PUS7: variants seen among roughly 807,000 people sequenced by gnomAD.
PUS7 encodes pseudouridylate synthase 7 homolog.
A neutral mutation model predicts 79.8 loss-of-function variants in PUS7; 48 were observed. The ratio of observed to expected loss-of-function variants is 0.60; its 90% CI spans 0.48 to 0.76. PUS7 has a LOEUF of 0.76. Among genes scored for constraint, PUS7 ranks in the 30% least tolerant of loss-of-function variants. The pLI is 0.00. For missense variants in PUS7, 729 were observed against 797.6 expected, an observed-to-expected ratio of 0.91 and a Z score of 1.04; for synonymous variants, 286 against 272.2, an observed-to-expected ratio of 1.05 and a Z score of -0.50.
chr7:105,459,638 A>G (rs1197645164), intron 14 of PUS7, among the ~76,000 whole-genome samples: 1 of 151,476 alleles, frequency 6.6e-6, no homozygotes, highest in Non-Finnish European at 1.5e-5. Context: ...GGGTTTCACT[A>G]TGTTGGCCAG....
chr7:105,489,634 G>A (rs542035925), intron 7 of PUS7, among the ~76,000 whole-genome samples: 16 of 152,054 alleles, frequency 1.1e-4, no homozygotes, highest in South Asian at 2.1e-4. Context: ...CTGCTTTTAT[G>A]ACATCATGCC....
rs1333362782 is a variant in PUS7, at chr7:105,492,499, TA to T, written c.843-883del. ...ACCACCACATCTGGCTGATTTTTTG[TA>T]TTTTTTTTTTTTTTTTTTTTTTTGA... On this transcript the variant is annotated intron_variant, in intron 6 of 15. Coordinates refer to ENST00000469408, the MANE Select transcript of PUS7 (RefSeq NM_019042.5). 3.1e-4 allele frequency among the ~76,000 whole-genome samples: 40 copies of T among 130,604 alleles called. 1 individual carries two copies. The South Asian group carries it at 4.8e-3, about 16-fold the overall frequency. 85.7% of individuals were successfully genotyped at this position (130,604 alleles called of 152,430 possible). A position where few individuals can be genotyped will look rare whatever the true frequency, so the allele number is the denominator to read the frequency against.
intron 1 of PUS7, among the ~76,000 whole-genome samples, chr7:105,515,442 C>T (rs928251083): frequency 6.6e-6 from 1 of 152,116 alleles, no homozygotes; most frequent in Non-Finnish European, 1.5e-5. Flanking sequence ...TAGATTCTGA[C>T]GTTTTTGATT....
intron 9 of PUS7, among the ~76,000 whole-genome samples, chr7:105,472,726 C>T (rs1409516095): frequency 6.6e-6 from 1 of 151,992 alleles, no homozygotes; most frequent in Non-Finnish European, 1.5e-5. Context: ...CATAGTCATG[C>T]TTTAAGTAGT....
intron 13 of PUS7, 106 bp downstream of exon 13, chr7:105,465,207 C>T (rs1255057762): frequency 3.2e-6 from 2 of 630,844 alleles, no homozygotes; most frequent in Non-Finnish European, 5.3e-6. Context: ...TGAATGCATC[C>T]CTTTCTGGGA....
At position 105,470,803 on chromosome 7, in the gene PUS7, G is replaced by T. The variant is rs1156921755; in HGVS notation, c.1283C>A (p.Thr428Asn). 6.2e-7 allele frequency: 1 copy of T among 1,610,086 alleles called. No homozygotes were observed. Residue 428 changes from threonine to asparagine, a missense_variant, in exon 11 of 16, where the codon ACC becomes AAC. Transcript: ENST00000469408. ...LVKCREEWAK[T>N]KDPTAALRKL... Reference sequence around the variant, plus strand: ...TCTGAGGGCAGCAGTTGGGTCTTTGGTCTTTGCCCATTCTTCTCTGCATTT... The same window carrying T: ...TCTGAGGGCAGCAGTTGGGTCTTTGTTCTTTGCCCATTCTTCTCTGCATTT...
rs548565587 is a variant in PUS7 at position 105,478,449 on chromosome 7, T to C, written c.1175+2603A>G. 2.6e-5 allele frequency among the ~76,000 whole-genome samples: 4 copies of C among 152,354 alleles called. No individual in the cohort carries two copies. The South Asian group carries it at 8.3e-4, about 32-fold the overall frequency. On this transcript the variant is annotated intron_variant, in intron 9 of 15. Coordinates refer to ENST00000469408, the MANE Select transcript of PUS7 (RefSeq NM_019042.5). ...ATTTCCACCAGGAATGTATAAGGGT[T>C]CCAATTTCTCTAATCCTAACACTTG...
chr7:105,459,554 C>T (rs865929669), intron 14 of PUS7, among the ~76,000 whole-genome samples: 1 of 151,610 alleles, frequency 6.6e-6, no homozygotes, highest in South Asian at 2.1e-4. Context: ...TCTCCTGCCT[C>T]AGTCTCACAA....
intron 1 of PUS7, among the ~76,000 whole-genome samples, chr7:105,515,617 G>A (rs1423232465): frequency 6.6e-6 from 1 of 151,846 alleles, no homozygotes; most frequent in Non-Finnish European, 1.5e-5. Flanking sequence ...TTAAGTCAAT[G>A]GCCCTATCAT....
chr7:105,513,684 A>G (rs1262426239), intron 1 of PUS7, among the ~76,000 whole-genome samples: 1 of 147,820 alleles, frequency 6.8e-6, no homozygotes, highest in Non-Finnish European at 1.5e-5. Context: ...AAAAAATACA[A>G]AAAATTAGCC....
chr7:105,477,058 T>C (rs1386910426), intron 9 of PUS7, among the ~76,000 whole-genome samples: 1 of 152,188 alleles, frequency 6.6e-6, no homozygotes, highest in Non-Finnish European at 1.5e-5. Context: ...CATCCTTTGA[T>C]GCACGTTTTT....
intron 7 of PUS7, among the ~76,000 whole-genome samples, chr7:105,491,003 T>C (rs530023489): frequency 1.4e-4 from 21 of 152,298 alleles, no homozygotes; most frequent in South Asian, 1.0e-3. Context: ...AGTGGAGAGG[T>C]TGAGAAGCCT....
chr7:105,462,047 G>GA (rs903565762), intron 14 of PUS7, among the ~76,000 whole-genome samples: 2 of 108,036 alleles, frequency 1.9e-5, no homozygotes, highest in South Asian at 2.7e-4. Flanking sequence ...CCTCTATTAA[G>GA]AAAAAAAAAG....
At chr7:105,507,901 A>C (rs901204132) in intron 2 of PUS7, among the ~76,000 whole-genome samples, 2 of 151,880 alleles carry the variant, frequency 1.3e-5, no homozygotes, top group East Asian at 3.9e-4. Context: ...ACAGAGTGAG[A>C]CCCTCTCTCA....
intron 6 of PUS7, among the ~76,000 whole-genome samples, chr7:105,493,681 A>G (rs985026442): frequency 5.9e-5 from 9 of 152,132 alleles, no homozygotes; most frequent in Non-Finnish European, 1.0e-4. Context: ...GTATCCTCCT[A>G]AGAAGAGGAA....
chr7:105,510,499 G>A (rs1252620283), intron 1 of PUS7, among the ~76,000 whole-genome samples: 1 of 152,094 alleles, frequency 6.6e-6, no homozygotes, highest in East Asian at 1.9e-4. Flanking sequence ...AACTGTACAC[G>A]TGGTTAAAAT....
intron 7 of PUS7, among the ~76,000 whole-genome samples, chr7:105,488,032 G>C (rs1309018837): frequency 6.6e-6 from 1 of 152,128 alleles, no homozygotes; most frequent in African/African-American, 2.4e-5. Flanking sequence ...TAAGGGTGTA[G>C]CCTGTATCCG....
intron 5 of PUS7, among the ~76,000 whole-genome samples, chr7:105,500,885 C>A (rs925276296): frequency 6.6e-6 from 1 of 152,194 alleles, no homozygotes; most frequent in African/African-American, 2.4e-5. Flanking sequence ...ATTAAAGAAA[C>A]ACACAGCAAC....
At chr7:105,485,930 G>A (rs1378680216) in intron 7 of PUS7, among the ~76,000 whole-genome samples, 2 of 151,856 alleles carry the variant, frequency 1.3e-5, no homozygotes, top group East Asian at 3.9e-4. Context: ...GAGAAGCTGG[G>A]ACTACCGGCA....
Sources: gnomAD v4.1 joint callset for allele counts (sites outside exome capture counted in the v4.1 genomes callset) on GRCh38, gnomAD v4.1.1 for gene constraint, MANE v1.5 for transcripts, NCBI Gene and HGNC (gene_info 2026-07-23, HGNC 2026-07-21) for gene names.